Variants in ST6GAL1 observed in about 807,000 individuals in gnomAD.
ST6GAL1 encodes ST6 beta-galactoside alpha-2,6-sialyltransferase 1.
In ST6GAL1, 20 loss-of-function variants were observed where a neutral mutation model predicts 38.0. That is an observed-to-expected ratio of 0.53 (90% CI 0.37 to 0.77). The LOEUF is 0.77. ST6GAL1 is among the 30% of genes least tolerant of loss of function. ST6GAL1 has a pLI of 0.00. For missense variants in ST6GAL1, 432 were observed against 496.4 expected (o/e 0.87, Z 1.23); for synonymous variants, 196 against 188.2 (o/e 1.04, Z -0.34).
Position 187,072,942 on chromosome 3 carries a change from C to A in ST6GAL1, c.799C>A (p.Pro267Thr), listed in dbSNP as rs749944927. The A allele has an allele frequency of 6.2e-7, 1 of 1,612,170 alleles. No homozygotes were observed. The highest frequency in any genetic ancestry group is 8.5e-7 in the Non-Finnish European group (1 of 1,178,488). Residue 267 changes from proline to threonine, a missense_variant, in exon 6 of 8, where the codon CCA becomes ACA. Pro to Thr is a conservative substitution (Grantham distance 38, BLOSUM62 -1). Transcript: ENST00000169298. Reference protein sequence around the residue: ...WDPSVYHSDIPKWYQNPDYNF... With the variant: ...WDPSVYHSDITKWYQNPDYNF... The stretch of plus-strand genomic sequence containing the variant: ...CCCATCTGTATACCACTCAGATATC[C>A]CAAAGGTAAGTGGGTGTCCGTGGGA...
At chr3:186,989,611 T>C (rs1196060574) in intron 2 of ST6GAL1, among the ~76,000 whole-genome samples, 2 of 152,140 alleles carry the variant, frequency 1.3e-5, no homozygotes, top group East Asian at 1.9e-4. Flanking sequence ...CTGGATAACA[T>C]TGTTGGCAGG....
intron 1 of ST6GAL1, among the ~76,000 whole-genome samples, chr3:186,960,774 T>TA (rs1444232039): frequency 2.0e-5 from 3 of 151,858 alleles, no homozygotes; most frequent in African/African-American, 7.2e-5. Flanking sequence ...GTTTTTTTTT[T>TA]AAATTTTTTA....
intron 5 of ST6GAL1, among the ~76,000 whole-genome samples, chr3:187,059,644 A>T (rs1341132450): frequency 6.6e-6 from 1 of 152,184 alleles, no homozygotes; most frequent in Non-Finnish European, 1.5e-5. Flanking sequence ...AAAAAGGGAG[A>T]ATAATTCCCT....
intron 1 of ST6GAL1, among the ~76,000 whole-genome samples, chr3:186,937,499 A>G (rs1339436348): frequency 1.3e-5 from 2 of 152,224 alleles, no homozygotes; most frequent in Non-Finnish European, 2.9e-5. Flanking sequence ...CAACGTCTGC[A>G]TATGTTAAAT....
intron 2 of ST6GAL1, among the ~76,000 whole-genome samples, chr3:186,993,929 A>G (rs1716270195): frequency 6.6e-6 from 1 of 152,156 alleles, no homozygotes; most frequent in African/African-American, 2.4e-5. Context: ...ATAACAATTG[A>G]ATGGTGGGCT....
intron 2 of ST6GAL1, among the ~76,000 whole-genome samples, chr3:186,965,482 G>A (rs984222811): frequency 2.0e-5 from 3 of 152,260 alleles, no homozygotes; most frequent in East Asian, 1.9e-4. Context: ...GATAGGGAGC[G>A]GGTGGGACAT....
intron 1 of ST6GAL1, among the ~76,000 whole-genome samples, chr3:186,932,552 T>A (rs2108511254): frequency 6.6e-6 from 1 of 152,388 alleles, no homozygotes; most frequent in Non-Finnish European, 1.5e-5. Context: ...TTTTCTCTCC[T>A]GGCTGCCCCT....
In ST6GAL1 at chr3:187,042,687, C is replaced by T; in HGVS notation, c.-17C>T. 1 of 1,590,978 alleles carries T rather than the reference C, an allele frequency of 6.3e-7. No individual in the cohort carries two copies. Among genetic ancestry groups the T allele is most frequent in the South Asian group, 1.2e-5 (1 of 86,806 alleles). On this transcript the variant is annotated 5_prime_UTR_variant, in exon 4 of 8. Transcript: ENST00000169298. Reference sequence around the variant, plus strand: ...TCCTGCTCAGAACAAAGTGACTTCCCTGAACACATCTTCATTATGATTCAC... The same window carrying T: ...TCCTGCTCAGAACAAAGTGACTTCCTTGAACACATCTTCATTATGATTCAC...
intron 2 of ST6GAL1, among the ~76,000 whole-genome samples, chr3:187,037,801 A>G (rs930464154): frequency 6.6e-6 from 1 of 152,208 alleles, no homozygotes; most frequent in Non-Finnish European, 1.5e-5. Flanking sequence ...TCAAAGAATA[A>G]TGGATGTACA....
intron 2 of ST6GAL1, among the ~76,000 whole-genome samples, chr3:187,012,048 C>T (rs1716970553): frequency 6.6e-6 from 1 of 152,126 alleles, no homozygotes; most frequent in African/African-American, 2.4e-5. Flanking sequence ...TTGCCCTTTC[C>T]CCAGGACTCA....
chr3:187,037,649 G>A (rs1380286554), intron 2 of ST6GAL1, among the ~76,000 whole-genome samples: 2 of 151,936 alleles, frequency 1.3e-5, no homozygotes, highest in African/African-American at 2.4e-5. Flanking sequence ...GGCGCTCATA[G>A]CTCACTGCAG....
intron 2 of ST6GAL1, among the ~76,000 whole-genome samples, chr3:186,998,808 A>G (rs527884619): frequency 8.9e-4 from 136 of 152,350 alleles, no homozygotes; most frequent in African/African-American, 3.1e-3. Flanking sequence ...CATCTGGCCT[A>G]GCCACATCTG....
At chr3:186,987,662 T>C (rs189824303) in intron 2 of ST6GAL1, among the ~76,000 whole-genome samples, 143 of 152,276 alleles carry the variant, frequency 9.4e-4, no homozygotes, top group African/African-American at 3.3e-3. Flanking sequence ...CTTACGGAGA[T>C]GGGAGAAACC....
chr3:186,970,632 T>A (rs1417307409), intron 2 of ST6GAL1, among the ~76,000 whole-genome samples: 1 of 152,144 alleles, frequency 6.6e-6, no homozygotes, highest in East Asian at 1.9e-4. Context: ...TGGAGAATAT[T>A]CTCTAAATAG....
At chr3:187,070,698 C>T (rs1177028644) in intron 5 of ST6GAL1, among the ~76,000 whole-genome samples, 1 of 152,108 alleles carries the variant, frequency 6.6e-6, no homozygotes, top group African/African-American at 2.4e-5. Flanking sequence ...GCTGGGATTA[C>T]AGGTGTGAGC....
chr3:187,051,203 A>G, intron 4 of ST6GAL1, 46 bp from the exon 5 acceptor site: 1 of 1,536,640 alleles, frequency 6.5e-7, no homozygotes, highest in Non-Finnish European at 9.0e-7. Flanking sequence ...TTTTCTGCAT[A>G]TTGCCAGTGC....
At chr3:187,012,275 T>G (rs996458095) in intron 2 of ST6GAL1, among the ~76,000 whole-genome samples, 8 of 151,998 alleles carry the variant, frequency 5.3e-5, no homozygotes, top group African/African-American at 1.9e-4. Context: ...TTTCTTTTTT[T>G]GAGACAGGGT....
intron 3 of ST6GAL1, among the ~76,000 whole-genome samples, chr3:187,041,624 C>T (rs893221577): frequency 3.3e-5 from 5 of 152,186 alleles, no homozygotes; most frequent in African/African-American, 9.7e-5. Context: ...CTGGAAAGGA[C>T]ATGGGTTATG....
At chr3:187,051,730 G>A (rs1020550726) in intron 5 of ST6GAL1, among the ~76,000 whole-genome samples, 2 of 152,038 alleles carry the variant, frequency 1.3e-5, no homozygotes, top group African/African-American at 2.4e-5. Flanking sequence ...TTTATGAACC[G>A]TAAAATGCTA....
Sources: gnomAD v4.1 joint callset for allele counts (sites outside exome capture counted in the v4.1 genomes callset) on GRCh38, gnomAD v4.1.1 for gene constraint, MANE v1.5 for transcripts, NCBI Gene and HGNC (gene_info 2026-07-23, HGNC 2026-07-21) for gene names.